EIPR1: variants seen among roughly 807,000 people sequenced by gnomAD.
EIPR1 encodes EARP and GARP complex-interacting protein 1.
A neutral mutation model predicts 48.1 loss-of-function variants in EIPR1; 25 were observed. The ratio of observed to expected loss-of-function variants is 0.52; its 90% CI spans 0.38 to 0.73. The LOEUF is 0.73. Ranked by LOEUF, EIPR1 falls within the 30% of genes least tolerant of loss-of-function variation. EIPR1 has a pLI of 0.00. For missense variants in EIPR1, 415 were observed against 506.2 expected (o/e 0.82, Z 1.73); for synonymous variants, 204 against 201.9 (o/e 1.01, Z -0.09).
chr2:3,213,997 C>T lies in EIPR1; in HGVS notation c.516+152G>A, dbSNP rs538336473. On this transcript the variant is annotated intron_variant, in intron 5 of 8. Coordinates refer to ENST00000382125, the MANE Select transcript of EIPR1 (RefSeq NM_003310.5). ...GTATGTCTCCTAATGCTATCCCTCC[C>T]GCTCCCCCAACCCCACGACAGGCCC... The T allele has an allele frequency of 2.4e-4, 147 of 606,732 alleles. 1 individual carries two copies. In the East Asian group the frequency reaches 3.7e-3, roughly 15 times the overall value. 37.6% of individuals were successfully genotyped at this position (606,732 alleles called of 1,614,324 possible).
intron 1 of EIPR1, among the ~76,000 whole-genome samples, chr2:3,367,021 G>A (rs114453025): frequency 6.4e-4 from 97 of 151,512 alleles, no homozygotes; most frequent in African/African-American, 2.2e-3. Context: ...CTCCAGTCTG[G>A]GCCACACAGC....
intron 1 of EIPR1, among the ~76,000 whole-genome samples, chr2:3,363,799 A>G (rs1670906911): frequency 9.3e-6 from 1 of 107,694 alleles, no homozygotes; most frequent in African/African-American, 2.8e-5. Context: ...AGACAACTCA[A>G]CAGCAAAAAA....
At chr2:3,346,136 A>C (rs1670394170) in intron 2 of EIPR1, among the ~76,000 whole-genome samples, 1 of 152,220 alleles carries the variant, frequency 6.6e-6, no homozygotes, top group Admixed American at 6.5e-5. Context: ...CCCATGCGGG[A>C]GGGCCACCAC....
intron 3 of EIPR1, among the ~76,000 whole-genome samples, chr2:3,326,134 T>G (rs1019124966): frequency 5.9e-5 from 9 of 152,198 alleles, no homozygotes; most frequent in African/African-American, 2.2e-4. Context: ...GTGCTCTAGA[T>G]GCTCAGAGCC....
At position 3,189,770 on chromosome 2, in the gene EIPR1, T is replaced by C. The variant is rs1403144946; in HGVS notation, c.990-262A>G. On this transcript the variant is annotated intron_variant, in intron 8 of 8. Coordinates refer to ENST00000382125, the MANE Select transcript of EIPR1 (RefSeq NM_003310.5). The surrounding 1 kb of genome is among the most constrained non-coding windows in gnomAD (Gnocchi z 4.6). ...TATGGAAATCGGCGACATTGGCACATGGTGTCTTGGTTTCTTCTGTCCTTG... is the reference window on the plus strand; with the variant it reads ...TATGGAAATCGGCGACATTGGCACACGGTGTCTTGGTTTCTTCTGTCCTTG... Among the ~76,000 whole-genome samples, 2 of 152,154 alleles carry C rather than the reference T, an allele frequency of 1.3e-5. No homozygotes were observed. Among genetic ancestry groups the C allele is most frequent in the African/African-American group, 4.8e-5 (2 of 41,432 alleles).
At chr2:3,244,662 C>A (rs900312215) in intron 4 of EIPR1, among the ~76,000 whole-genome samples, 1 of 152,202 alleles carries the variant, frequency 6.6e-6, no homozygotes, top group Non-Finnish European at 1.5e-5. Flanking sequence ...CATCTGTGAA[C>A]CACGAAGAGG....
At chr2:3,300,915 G>A (rs1351906054) in intron 3 of EIPR1, 2 of 152,142 alleles carry the variant, frequency 1.3e-5, no homozygotes, top group Admixed American at 1.3e-4. Flanking sequence ...TTCATTAGGA[G>A]AAATCTTGTT....
intron 3 of EIPR1, among the ~76,000 whole-genome samples, chr2:3,283,640 G>T (rs1342562957): frequency 2.6e-5 from 4 of 152,218 alleles, no homozygotes; most frequent in Admixed American, 1.3e-4. Context: ...TAGTTAAAGA[G>T]GGGAAGAAAA....
chr2:3,274,501 G>A (rs939255091), intron 3 of EIPR1: 1 of 1,485,354 alleles, frequency 6.7e-7, no homozygotes, highest in Non-Finnish European at 9.0e-7. Flanking sequence ...CAAGCCATGA[G>A]ACCCTACTTG....
chr2:3,254,426 G>A (rs1667093312), intron 4 of EIPR1, among the ~76,000 whole-genome samples: 1 of 152,178 alleles, frequency 6.6e-6, no homozygotes, highest in African/African-American at 2.4e-5. Context: ...GAAAAACCCA[G>A]ATGAGCTTCA....
At chr2:3,213,620 C>G (rs917842755) in intron 5 of EIPR1, among the ~76,000 whole-genome samples, 17 of 152,316 alleles carry the variant, frequency 1.1e-4, no homozygotes, top group Admixed American at 9.1e-4. Context: ...GCATCCCACT[C>G]CCTCCTTTGC....
At chr2:3,191,424 T>C (rs925411307) in intron 8 of EIPR1, among the ~76,000 whole-genome samples, 3 of 151,000 alleles carry the variant, frequency 2.0e-5, no homozygotes, top group African/African-American at 7.3e-5. Flanking sequence ...ACAGAGACAA[T>C]CAGATGGTCC....
At chr2:3,198,402 C>A (rs776479312) in intron 5 of EIPR1, among the ~76,000 whole-genome samples, 2 of 152,188 alleles carry the variant, frequency 1.3e-5, no homozygotes, top group Non-Finnish European at 2.9e-5. Flanking sequence ...GCAGACACTG[C>A]GCTCAGTCAG....
rs765249746 is a variant in EIPR1 at position 3,286,583 on chromosome 2, A to C, written c.260-29128T>G. Among the ~76,000 whole-genome samples, 1 of 152,204 alleles carries C rather than the reference A, an allele frequency of 6.6e-6. No individual in the cohort carries two copies. Among genetic ancestry groups the C allele is most frequent in the Non-Finnish European group, 1.5e-5 (1 of 68,034 alleles). On this transcript the variant is annotated intron_variant, in intron 3 of 8. Transcript: ENST00000382125. The surrounding 1 kb of genome is among the most constrained non-coding windows in gnomAD (Gnocchi z 4.2). ...TGACTCTGGAAGCGTTTTCATAAGCACTTGTCATATGTCATATGCAGTGTG... is the reference window on the plus strand; with the variant it reads ...TGACTCTGGAAGCGTTTTCATAAGCCCTTGTCATATGTCATATGCAGTGTG...
intron 1 of EIPR1, among the ~76,000 whole-genome samples, chr2:3,370,529 A>T (rs887204496): frequency 7.9e-5 from 12 of 152,300 alleles, no homozygotes; most frequent in Admixed American, 2.0e-4. Flanking sequence ...TAACCAATAC[A>T]GAGAAGTGCT....
intron 4 of EIPR1, among the ~76,000 whole-genome samples, chr2:3,239,418 TG>T (rs1201386615): frequency 6.6e-6 from 1 of 152,204 alleles, no homozygotes; most frequent in Non-Finnish European, 1.5e-5. Context: ...TGACCATCTC[TG>T]TGGTTGATGC....
intron 4 of EIPR1, among the ~76,000 whole-genome samples, chr2:3,227,353 T>A (rs1666096943): frequency 1.3e-5 from 2 of 152,208 alleles, no homozygotes; most frequent in Admixed American, 1.3e-4. Context: ...AATGGTCACT[T>A]GCTATGCTTT....
intron 3 of EIPR1, among the ~76,000 whole-genome samples, chr2:3,311,280 T>C (rs1338205292): frequency 1.3e-5 from 2 of 152,214 alleles, no homozygotes. Flanking sequence ...ACTCTCAAGA[T>C]GATCTCTTCC....
At chr2:3,237,355 G>C (rs1182532670) in intron 4 of EIPR1, among the ~76,000 whole-genome samples, 2 of 151,838 alleles carry the variant, frequency 1.3e-5, no homozygotes, top group Non-Finnish European at 2.9e-5. Context: ...AAAAATAGGT[G>C]AGTACAACAA....
Sources: allele counts gnomAD v4.1 joint callset (sites outside exome capture counted in the v4.1 genomes callset), GRCh38; gene constraint gnomAD v4.1.1; non-coding constraint Gnocchi (gnomAD v3.1); transcripts MANE v1.5; gene names NCBI Gene and HGNC (gene_info 2026-07-23, HGNC 2026-07-21).